NTNG1: variants seen among roughly 807,000 people sequenced by gnomAD.
The protein encoded by NTNG1 is netrin-G1.
In NTNG1, 16 loss-of-function variants were observed where a neutral mutation model predicts 54.0. The observed-to-expected ratio is 0.30, with a 90% CI of 0.20 to 0.45. The LOEUF (loss-of-function observed/expected upper bound fraction) is 0.45, where lower values mean the gene tolerates loss of function less well. NTNG1 is among the 20% of genes least tolerant of loss of function. NTNG1 has a pLI of 1.00. For missense variants in NTNG1, 530 were observed against 678.7 expected (o/e 0.78, Z 2.43); for synonymous variants, 255 against 263.1 (o/e 0.97, Z 0.30).
intron 2 of NTNG1, among the ~76,000 whole-genome samples, chr1:107,157,531 A>G (rs2080728081): frequency 6.6e-6 from 1 of 152,216 alleles, no homozygotes; most frequent in Admixed American, 6.5e-5. Flanking sequence ...ATAAATGAGG[A>G]TATGGAGTTT....
chr1:107,369,745 G>A (rs1670808198), intron 3 of NTNG1, among the ~76,000 whole-genome samples: 1 of 152,064 alleles, frequency 6.6e-6, no homozygotes, highest in East Asian at 1.9e-4. Context: ...AAGAGTAGAA[G>A]TTGATCTAGG....
intron 2 of NTNG1, among the ~76,000 whole-genome samples, chr1:107,302,273 T>C (rs1210890996): frequency 2.0e-5 from 3 of 152,106 alleles, no homozygotes; most frequent in Non-Finnish European, 4.4e-5. Context: ...AGAATTAAGA[T>C]AGGTCTGCCC....
intron 3 of NTNG1, among the ~76,000 whole-genome samples, chr1:107,386,862 C>G (rs1042089922): frequency 7.2e-5 from 11 of 152,168 alleles, no homozygotes; most frequent in Non-Finnish European, 1.6e-4. Context: ...TTTATACTCC[C>G]AATAGCAATC....
chr1:107,337,976 G>C (rs1199528973), intron 3 of NTNG1, among the ~76,000 whole-genome samples: 1 of 152,006 alleles, frequency 6.6e-6, no homozygotes, highest in Non-Finnish European at 1.5e-5. Context: ...TTAAGGGGCA[G>C]ATATAATAAT....
At chr1:107,255,929 C>T (rs3123369) in intron 2 of NTNG1, among the ~76,000 whole-genome samples, 151,363 of 152,348 alleles carry the variant, frequency 0.99, 75,202 homozygotes, top group East Asian at 1. Flanking sequence ...ATACTTAAAA[C>T]ATAACTGTTT....
At chr1:107,407,504 G>T (rs1438732007) in intron 4 of NTNG1, among the ~76,000 whole-genome samples, 178 bp from the exon 5 acceptor site, 1 of 151,960 alleles carries the variant, frequency 6.6e-6, no homozygotes, top group Non-Finnish European at 1.5e-5. Flanking sequence ...GTGTGTGTGT[G>T]TGTGTGTATA....
At chr1:107,477,964 G>A (rs1363782457) in intron 7 of NTNG1, among the ~76,000 whole-genome samples, 4 of 152,208 alleles carry the variant, frequency 2.6e-5, no homozygotes, top group African/African-American at 9.7e-5. Flanking sequence ...CTTCATAAGA[G>A]CAGAAATCAT....
chr1:107,268,315 T>C (rs757310146), intron 2 of NTNG1, among the ~76,000 whole-genome samples: 15 of 152,094 alleles, frequency 9.9e-5, no homozygotes, highest in African/African-American at 1.9e-4. Flanking sequence ...GTAACAAATA[T>C]AATTTGTGTC....
intron 2 of NTNG1, among the ~76,000 whole-genome samples, chr1:107,237,528 G>A (rs1428377826): frequency 6.6e-6 from 1 of 152,114 alleles, no homozygotes; most frequent in African/African-American, 2.4e-5. Flanking sequence ...TGTCTCCAGG[G>A]CACATCAGAG....
intron 2 of NTNG1, among the ~76,000 whole-genome samples, chr1:107,168,131 A>T (rs560423370): frequency 6.6e-6 from 1 of 152,126 alleles, no homozygotes; most frequent in African/African-American, 2.4e-5. Flanking sequence ...AATGAACAAG[A>T]CAATAAGTGT....
chr1:107,384,112 T>C (rs1671813354), intron 3 of NTNG1, among the ~76,000 whole-genome samples: 1 of 152,306 alleles, frequency 6.6e-6, no homozygotes, highest in South Asian at 2.1e-4. Context: ...CGGAGCACCA[T>C]CATATTCCTG....
chr1:107,400,496 A>T (rs1361986368), intron 4 of NTNG1, among the ~76,000 whole-genome samples: 1 of 152,182 alleles, frequency 6.6e-6, no homozygotes, highest in African/African-American at 2.4e-5. Flanking sequence ...GGAAATGCAG[A>T]CACAGAAAGG....
At chr1:107,472,366 A>G (rs1259467574) in intron 7 of NTNG1, among the ~76,000 whole-genome samples, 1 of 152,206 alleles carries the variant, frequency 6.6e-6, no homozygotes, top group Non-Finnish European at 1.5e-5. Flanking sequence ...ATTCATGCAA[A>G]TCATAAAACT....
At chr1:107,480,468 C>A in intron 7 of NTNG1, 143 bp from the exon 8 acceptor site, 1 of 598,356 alleles carries the variant, frequency 1.7e-6, no homozygotes, top group South Asian at 2.2e-5. Flanking sequence ...TCACGGGCTT[C>A]GTTTGTGGAG....
intron 7 of NTNG1, among the ~76,000 whole-genome samples, chr1:107,438,240 A>G (rs1675733002): frequency 6.6e-6 from 1 of 152,204 alleles, no homozygotes; most frequent in South Asian, 2.1e-4. Flanking sequence ...TGAGCAGGCC[A>G]AGGTTAGAAT....
intron 4 of NTNG1, among the ~76,000 whole-genome samples, chr1:107,407,278 T>C (rs377740120): frequency 6.6e-6 from 1 of 152,164 alleles, no homozygotes; most frequent in African/African-American, 2.4e-5. Flanking sequence ...CACGTGTCCA[T>C]AGAGTGTATA....
intron 2 of NTNG1, among the ~76,000 whole-genome samples, chr1:107,283,531 A>C (rs1280901906): frequency 1.3e-5 from 2 of 152,214 alleles, no homozygotes; most frequent in Admixed American, 6.5e-5. Flanking sequence ...GTACATATAG[A>C]AACATTATTC....
In NTNG1 at chr1:107,483,760, T is replaced by C. The variant is rs1678869953; in HGVS notation, c.*2920T>C. On this transcript the variant is annotated 3_prime_UTR_variant, in exon 8 of 8. Transcript: ENST00000370068. ...GAGTTAATCTATCAACTTTCCCACA[T>C]AGAACTGATATAATTCCTTCTATCA... 6.6e-6 allele frequency among the ~76,000 whole-genome samples: 1 copy of C among 152,238 alleles called. No homozygotes were observed. Among genetic ancestry groups the C allele is most frequent in the South Asian group, 2.1e-4 (1 of 4,832 alleles).
At chr1:107,155,871 G>A (rs756780478) in intron 2 of NTNG1, among the ~76,000 whole-genome samples, 3 of 152,168 alleles carry the variant, frequency 2.0e-5, no homozygotes, top group East Asian at 1.9e-4. Context: ...GTATTTTTAC[G>A]TACTTTTTCT....
Sources: gnomAD v4.1 joint callset for allele counts (sites outside exome capture counted in the v4.1 genomes callset) on GRCh38, gnomAD v4.1.1 for gene constraint, MANE v1.5 for transcripts, NCBI Gene and HGNC (gene_info 2026-07-23, HGNC 2026-07-21) for gene names.